Variants in NCOA1 observed in about 807,000 individuals in gnomAD.
NCOA1 encodes nuclear receptor coactivator 1.
In NCOA1, 35 loss-of-function variants were observed where a neutral mutation model predicts 150.9. The ratio of observed to expected loss-of-function variants is 0.23; its 90% CI spans 0.18 to 0.31. The LOEUF is 0.31. Among genes scored for constraint, NCOA1 ranks in the 10% least tolerant of loss-of-function variants. NCOA1 has a pLI of 1.00. For missense variants in NCOA1, 1,491 were observed against 1,749.3 expected (o/e 0.85, Z 2.63); for synonymous variants, 590 against 630.0 (o/e 0.94, Z 0.95).
intron 19 of NCOA1, 150 bp from the exon 20 acceptor site, chr2:24,751,832 G>A (rs539069857): frequency 6.6e-6 from 5 of 755,586 alleles, no homozygotes; most frequent in East Asian, 2.9e-5. Flanking sequence ...TGTTGAATGC[G>A]ATATTTGTAA....
chr2:24,537,476 A>ATG lies in NCOA1; in HGVS notation c.-395-26818_-395-26817insGT, dbSNP rs777334204. Among the ~76,000 whole-genome samples, 897 of 150,252 alleles carry ATG rather than the reference A, an allele frequency of 6.0e-3. 13 individuals carry two copies. The highest frequency in any genetic ancestry group is 0.02 in the African/African-American group (824 of 41,024). On this transcript the variant is annotated intron_variant, in intron 1 of 22. Coordinates refer to ENST00000348332, the MANE Select transcript of NCOA1 (RefSeq NM_003743.5). ...ATTTGTGTGTGTATATATATATAAT[A>ATG]TATGTATGTGTGTGTGTGTGTGTCT...
Position 24,741,840 on chromosome 2 carries a change from G to A in NCOA1, c.3360G>A (p.Gln1120=). The A allele has an allele frequency of 6.2e-7, 1 of 1,614,228 alleles. No individual in the cohort carries two copies. The highest frequency in any genetic ancestry group is 1.6e-4 in the Middle Eastern group (1 of 6,062). Reference sequence around the variant, plus strand: ...GTCAGCGGGAACTGTACAGTCAACAGCACCGACAGAGGCAGCTAATACAGC... The same window carrying A: ...GTCAGCGGGAACTGTACAGTCAACAACACCGACAGAGGCAGCTAATACAGC... ...AQRQRELYSQ[Q]HRQRQLIQQQ... The change falls in exon 19 of 23, where the codon CAG becomes CAA. Residue 1120 remains glutamine, a synonymous_variant. Coordinates refer to ENST00000348332, the MANE Select transcript of NCOA1 (RefSeq NM_003743.5).
chr2:24,633,138 A>G (rs1044837181), intron 3 of NCOA1, among the ~76,000 whole-genome samples: 5 of 152,160 alleles, frequency 3.3e-5, no homozygotes, highest in African/African-American at 4.8e-5. Flanking sequence ...ATATAGATAC[A>G]TATGCATACA....
chr2:24,578,822 T>G lies in NCOA1; in HGVS notation c.-259-5654T>G, dbSNP rs575220064. ...GAATAAAAAAAAGCTATATTAGAGC[T>G]GCATTCACAATACTATTACTTATCA... On this transcript the variant is annotated intron_variant, in intron 2 of 22. Coordinates refer to ENST00000348332, the MANE Select transcript of NCOA1 (RefSeq NM_003743.5). Among the ~76,000 whole-genome samples the G allele has an allele frequency of 1.7e-4, 26 of 152,310 alleles. No homozygotes were observed. The South Asian group carries it at 5.2e-3, about 30-fold the overall frequency.
chr2:24,711,351 G>T, intron 14 of NCOA1: 2 of 325,246 alleles, frequency 6.1e-6, no homozygotes, highest in Non-Finnish European at 5.4e-6. Context: ...ATGTTAAGGA[G>T]AACAATTTTG....
chr2:24,690,719 A>G (rs1408478934), intron 8 of NCOA1, among the ~76,000 whole-genome samples: 2 of 147,858 alleles, frequency 1.4e-5, no homozygotes, highest in Non-Finnish European at 3.0e-5. Flanking sequence ...TGACCACGTG[A>G]TTTAAACATG....
intron 4 of NCOA1, among the ~76,000 whole-genome samples, chr2:24,654,438 C>T (rs1457491187): frequency 6.6e-6 from 1 of 152,146 alleles, no homozygotes; most frequent in Non-Finnish European, 1.5e-5. Context: ...AAAAGTATAT[C>T]ATTTTTTATA....
At chr2:24,765,046 G>A (rs892722907) in intron 22 of NCOA1, among the ~76,000 whole-genome samples, 2 of 152,012 alleles carry the variant, frequency 1.3e-5, no homozygotes, top group Admixed American at 6.5e-5. Context: ...GCATGGTGGC[G>A]GGCACCTGCA....
intron 1 of NCOA1, among the ~76,000 whole-genome samples, chr2:24,515,451 G>T (rs1664124389): frequency 6.6e-6 from 1 of 152,012 alleles, no homozygotes; most frequent in Non-Finnish European, 1.5e-5. Flanking sequence ...GCCCAGGCTG[G>T]TCTCAAAACT....
chr2:24,648,493 G>A (rs377211235), intron 4 of NCOA1, among the ~76,000 whole-genome samples: 145 of 152,202 alleles, frequency 9.5e-4, no homozygotes, highest in African/African-American at 3.3e-3. Flanking sequence ...GGCTGATCTC[G>A]AACTCCTGAC....
intron 3 of NCOA1, among the ~76,000 whole-genome samples, chr2:24,585,304 A>T (rs983885126): frequency 3.3e-5 from 5 of 152,204 alleles, no homozygotes; most frequent in African/African-American, 1.2e-4. Flanking sequence ...TATATTAAGA[A>T]TATTTGTCAT....
chr2:24,554,153 G>A (rs865990131), intron 1 of NCOA1, among the ~76,000 whole-genome samples: 1 of 151,934 alleles, frequency 6.6e-6, no homozygotes, highest in Non-Finnish European at 1.5e-5. Context: ...AATTAGATTT[G>A]TGTTTCATAG....
At chr2:24,493,005 G>T (rs967611653) in intron 1 of NCOA1, among the ~76,000 whole-genome samples, 3 of 150,362 alleles carry the variant, frequency 2.0e-5, no homozygotes, top group Admixed American at 1.3e-4. Context: ...AACAACGAAA[G>T]TTGGCCAGAG....
chr2:24,658,382 T>C (rs1671036641), intron 4 of NCOA1, among the ~76,000 whole-genome samples: 1 of 152,236 alleles, frequency 6.6e-6, no homozygotes, highest in African/African-American at 2.4e-5. Flanking sequence ...TCAGTATCTA[T>C]TTAATTATTC....
At chr2:24,739,671 G>T (rs189005689) in intron 18 of NCOA1, 138 bp downstream of exon 18, 54 of 564,450 alleles carry the variant, frequency 9.6e-5, no homozygotes, top group African/African-American at 8.3e-4. Context: ...CTTTGAGAAT[G>T]AATTAATAAT....
intron 4 of NCOA1, among the ~76,000 whole-genome samples, chr2:24,647,141 T>C (rs1230097600): frequency 6.6e-6 from 1 of 152,196 alleles, no homozygotes; most frequent in Non-Finnish European, 1.5e-5. Flanking sequence ...ATGTGGTATA[T>C]TTTAATGTCA....
chr2:24,602,955 CGTAT>C (rs1389347333), intron 3 of NCOA1, among the ~76,000 whole-genome samples: 9 of 152,084 alleles, frequency 5.9e-5, no homozygotes, highest in African/African-American at 2.4e-5. Flanking sequence ...GGTTTTACTG[CGTAT>C]GTATCTATTC....
At chr2:24,722,314 A>G (rs1177858987) in intron 14 of NCOA1, among the ~76,000 whole-genome samples, 1 of 152,190 alleles carries the variant, frequency 6.6e-6, no homozygotes, top group Non-Finnish European at 1.5e-5. Context: ...CAATGGAGAT[A>G]GCTTTTATGA....
At chr2:24,690,420 C>T (rs527535334) in intron 8 of NCOA1, among the ~76,000 whole-genome samples, 3 of 151,598 alleles carry the variant, frequency 2.0e-5, no homozygotes, top group Admixed American at 1.3e-4. Context: ...TTTGGGAGGC[C>T]GAGATGGGTG....
Sources: allele counts gnomAD v4.1 joint callset (sites outside exome capture counted in the v4.1 genomes callset), GRCh38; gene constraint gnomAD v4.1.1; transcripts MANE v1.5; gene names NCBI Gene and HGNC (gene_info 2026-07-23, HGNC 2026-07-21).